GRTP1: variants seen among roughly 807,000 people sequenced by gnomAD.
GRTP1 encodes growth hormone-regulated TBC protein 1.
A neutral mutation model predicts 38.1 loss-of-function variants in GRTP1; 56 were observed. The observed-to-expected ratio is 1.47, with a 90% confidence interval of 1.19 to 1.84. GRTP1 has a LOEUF of 1.84. GRTP1 is among the 40% of genes most tolerant of loss of function. The probability of loss-of-function intolerance (pLI) is 0.00; values close to 1 mark genes in which losing one functional copy is unlikely to be tolerated. For missense variants in GRTP1, 506 were observed against 453.9 expected, an observed-to-expected ratio of 1.11 and a Z score of -1.04; for synonymous variants, 217 against 189.5, an observed-to-expected ratio of 1.14 and a Z score of -1.19.
chr13:113,361,509 T>C (rs907021085), intron 2 of GRTP1: 4 of 152,192 alleles, frequency 2.6e-5, no homozygotes, highest in African/African-American at 9.7e-5. Flanking sequence ...GACTGTGCAG[T>C]TGTGTTTTCT....
At chr13:113,341,948 G>A (rs770614072) in intron 5 of GRTP1, among the ~76,000 whole-genome samples, 10 of 151,946 alleles carry the variant, frequency 6.6e-5, no homozygotes, top group Non-Finnish European at 1.2e-4. Context: ...TACTCTGCCC[G>A]GCCCTGTTTT....
intron 5 of GRTP1, among the ~76,000 whole-genome samples, chr13:113,326,998 A>G (rs183204630): frequency 1.4e-4 from 21 of 152,360 alleles, no homozygotes; most frequent in Admixed American, 3.9e-4. Context: ...TGAACTGCAC[A>G]GGGGAAAGAC....
At chr13:113,363,069 C>A (rs1169349626) in intron 2 of GRTP1, among the ~76,000 whole-genome samples, 1 of 152,200 alleles carries the variant, frequency 6.6e-6, no homozygotes, top group African/African-American at 2.4e-5. Context: ...TGAGGAGGTG[C>A]CCTCCGCACA....
At chr13:113,326,812 C>A (rs1432238100) in intron 5 of GRTP1, among the ~76,000 whole-genome samples, 1 of 152,168 alleles carries the variant, frequency 6.6e-6, no homozygotes, top group Non-Finnish European at 1.5e-5. Flanking sequence ...AAGTGGATAA[C>A]CAACATGTGA....
In GRTP1 at chr13:113,348,426, G is replaced by C. The variant is rs1221616052; in HGVS notation, c.465+2423C>G. On this transcript the variant is annotated intron_variant, in intron 4 of 7. Transcript: ENST00000375431. The surrounding 1 kb of genome is among the most constrained non-coding windows in gnomAD (Gnocchi z 4.8). ...AGATCACGCCACTGCACTCCAGCCTGGGTGACAGAGCGAGACCGTGTGCAC... is the reference window on the plus strand; with the variant it reads ...AGATCACGCCACTGCACTCCAGCCTCGGTGACAGAGCGAGACCGTGTGCAC... 6.6e-6 allele frequency among the ~76,000 whole-genome samples: 1 copy of C among 152,198 alleles called. No homozygotes were observed. Among genetic ancestry groups the C allele is most frequent in the African/African-American group, 2.4e-5 (1 of 41,446 alleles).
intron 4 of GRTP1, among the ~76,000 whole-genome samples, chr13:113,347,271 GACCCGGGAGGACCTC>G (rs2043163749): frequency 2.6e-5 from 2 of 77,404 alleles, no homozygotes; most frequent in African/African-American, 1.7e-4. Context: ...GCTGAGAGCA[GACCCGGGAGGACCTC>G]TGTGGCTGAG....
At chr13:113,337,713 C>T (rs1595484823) in intron 5 of GRTP1, among the ~76,000 whole-genome samples, 5 of 152,258 alleles carry the variant, frequency 3.3e-5, no homozygotes, top group African/African-American at 9.6e-5. Context: ...ACCCCAGAGA[C>T]CAGCCTCCTG....
At chr13:113,328,099 CCT>C (rs2042801697) in intron 5 of GRTP1, among the ~76,000 whole-genome samples, 1 of 152,262 alleles carries the variant, frequency 6.6e-6, no homozygotes, top group Non-Finnish European at 1.5e-5. Flanking sequence ...GGGGCTCATC[CCT>C]CAGGCTGAGG....
At position 113,352,362 on chromosome 13, in the gene GRTP1, A is replaced by ATATATATATATATATTTATATATATTT. The variant is rs2043301238; in HGVS notation, c.341-1390_341-1389insAAATATATATAAATATATATATATATA. The stretch of plus-strand genomic sequence containing the variant: ...TTATATATATATTTATATATATTTT[A>ATATATATATATATATTTATATATATTT]TATATATATATATATTTATATATAT... On this transcript the variant is annotated intron_variant, in intron 3 of 7. Transcript: ENST00000375431. 6.1e-4 allele frequency among the ~76,000 whole-genome samples: 49 copies of ATATATATATATATATTTATATATATTT among 80,806 alleles called. 1 individual carries two copies. The highest frequency in any genetic ancestry group is 2.0e-3 in the East Asian group (6 of 2,934). The allele number at this position is 80,806 out of a possible 152,430, so 53.0% of individuals were successfully genotyped here.
chr13:113,336,452 A>G (rs58986515), intron 5 of GRTP1, among the ~76,000 whole-genome samples: 148,425 of 152,192 alleles, frequency 0.98, 72,489 homozygotes, highest in Non-Finnish European at 1. Context: ...GCACTAGGAA[A>G]GGCCAACTTG....
chr13:113,344,712 CAA>C, intron 5 of GRTP1, 149 bp downstream of exon 5: 2 of 189,898 alleles, frequency 1.1e-5, no homozygotes, highest in African/African-American at 1.3e-4. Context: ...GACTCCGTCT[CAA>C]AAAAAAAAAA....
chr13:113,330,972 CAGTGTGTGCAT>C (rs2042860903), intron 5 of GRTP1, among the ~76,000 whole-genome samples: 2 of 119,394 alleles, frequency 1.7e-5, no homozygotes, highest in African/African-American at 6.6e-5. Context: ...CATGGGAGCC[CAGTGTGTGCAT>C]GGGAGCCCAG....
At chr13:113,358,850 G>A (rs2043443407) in intron 2 of GRTP1, among the ~76,000 whole-genome samples, 1 of 152,222 alleles carries the variant, frequency 6.6e-6, no homozygotes, top group Non-Finnish European at 1.5e-5. Context: ...TGGAAAGGCG[G>A]TTTGTAATTT....
chr13:113,325,850 C>T lies in GRTP1; in HGVS notation c.736-4G>A, dbSNP rs773708608. 2 of 1,613,950 alleles carry T rather than the reference C, an allele frequency of 1.2e-6. No individual in the cohort carries two copies. The highest frequency in any genetic ancestry group is 2.2e-5 in the South Asian group (2 of 91,070). ...AGTCCCAGATCCGAAGCACTGTCTG[C>T]AGAGACATGGGAACCCGGTGTCACT... is the stretch of plus-strand genomic sequence containing the variant. On this transcript the variant is annotated splice_polypyrimidine_tract_variant and splice_region_variant and intron_variant, in intron 6 of 7. Coordinates refer to ENST00000375431, the MANE Select transcript of GRTP1 (RefSeq NM_024719.4).
intron 5 of GRTP1, 131 bp downstream of exon 5, chr13:113,344,732 A>AAG: frequency 2.2e-6 from 1 of 463,014 alleles, no homozygotes; most frequent in East Asian, 6.8e-5. Context: ...AAAAAAAAAA[A>AAG]AAACGGTTTG....
At position 113,325,698 on chromosome 13, in the gene GRTP1, T is replaced by C. The variant is rs754148276; in HGVS notation, c.884A>G (p.Lys295Arg). Residue 295 changes from lysine (K) to arginine (R), a missense_variant, in exon 7 of 8, where the codon AAA (lysine) becomes AGA (arginine). Transcript: ENST00000375431. The stretch of plus-strand genomic sequence containing the variant: ...GTGACACTCCATCACGAAACTCCCT[T>C]TGGTTATCTGCTTAAACTTATCGCA... Reference protein sequence around the residue: ...DICDKFKQITKGSFVMECHTF... With the variant: ...DICDKFKQITRGSFVMECHTF... 31 of 1,614,032 alleles carry C rather than the reference T, an allele frequency of 1.9e-5. No individual in the cohort carries two copies. The highest frequency in any genetic ancestry group is 2.5e-5 in the Non-Finnish European group (29 of 1,180,012).
intron 5 of GRTP1, among the ~76,000 whole-genome samples, chr13:113,344,139 T>C (rs7320143): frequency 0.16 from 24,179 of 152,246 alleles, 2,100 homozygotes; most frequent in East Asian, 0.27. Flanking sequence ...ATTATGCTCT[T>C]ACTAGTATTC....
At chr13:113,346,078 G>GAA (rs1271828575) in intron 4 of GRTP1, among the ~76,000 whole-genome samples, 1 of 97,862 alleles carries the variant, frequency 1.0e-5, no homozygotes, top group African/African-American at 4.6e-5. Flanking sequence ...CTGCGGCTGA[G>GAA]CAGACCTGGG....
At position 113,355,404 on chromosome 13, in the gene GRTP1, G is replaced by T. The variant is rs144216849; in HGVS notation, c.259C>A (p.Gln87Lys). The T allele has an allele frequency of 3.1e-6, 5 of 1,614,114 alleles. No homozygotes were observed. Among genetic ancestry groups the T allele is most frequent in the Non-Finnish European group, 4.2e-6 (5 of 1,179,996 alleles). The change falls in exon 3 of 8, where the codon CAG becomes AAG. Residue 87 changes from glutamine (Q) to lysine (K), a missense_variant. Transcript: ENST00000375431. ...TAGTAGCCGGGATTCTGGTCCATCT[G>T]CGCCTGGGCCCCACTCAGCACCATC... ...VWMVLSGAQAQMDQNPGYYHQ... is the reference protein window; with the variant it reads ...VWMVLSGAQAKMDQNPGYYHQ...
Sources: allele counts gnomAD v4.1 joint callset (sites outside exome capture counted in the v4.1 genomes callset), GRCh38; gene constraint gnomAD v4.1.1; non-coding constraint Gnocchi (gnomAD v3.1); transcripts MANE v1.5; gene names NCBI Gene and HGNC (gene_info 2026-07-23, HGNC 2026-07-21).